CTNNA3: variants seen among roughly 807,000 people sequenced by gnomAD.
CTNNA3 encodes catenin alpha-3.
Under a neutral mutation model 95.7 loss-of-function variants are expected in CTNNA3, and 76 were observed. That is an observed-to-expected ratio of 0.79 (90% confidence interval 0.66 to 0.96). CTNNA3 has a LOEUF of 0.96. CTNNA3 is among the 40% of genes least tolerant of loss of function. The pLI, the probability that CTNNA3 is intolerant of heterozygous loss-of-function variation, is 0.00. For synonymous variants in CTNNA3, 431 were observed against 374.4 expected, an observed-to-expected ratio of 1.15 and a Z score of -1.74; for missense variants, 1,191 against 1,089.8, an observed-to-expected ratio of 1.09 and a Z score of -1.31.
At chr10:67,182,519 C>A (rs976315073) in intron 6 of CTNNA3, among the ~76,000 whole-genome samples, 4 of 151,940 alleles carry the variant, frequency 2.6e-5, no homozygotes, top group African/African-American at 9.7e-5. Flanking sequence ...CTTCCTTACA[C>A]CTTATACAAA....
intron 7 of CTNNA3, among the ~76,000 whole-genome samples, chr10:66,809,821 T>G (rs76185075): frequency 6.6e-6 from 1 of 151,772 alleles, no homozygotes; most frequent in African/African-American, 2.4e-5. Flanking sequence ...TTTTTTTTTT[T>G]GAGACAAAGT....
chr10:67,411,944 A>T (rs899578288), intron 5 of CTNNA3, among the ~76,000 whole-genome samples: 5 of 151,016 alleles, frequency 3.3e-5, no homozygotes, highest in East Asian at 1.9e-4. Context: ...CTTTGGTGAT[A>T]AAAAAAAATA....
At chr10:66,451,661 G>A (rs2093465713) in intron 11 of CTNNA3, among the ~76,000 whole-genome samples, 1 of 151,994 alleles carries the variant, frequency 6.6e-6, no homozygotes, top group African/African-American at 2.4e-5. Context: ...AGTATTTCAA[G>A]ACTTTAAGAC....
chr10:66,772,478 G>T (rs1840131761), intron 8 of CTNNA3, among the ~76,000 whole-genome samples: 1 of 151,782 alleles, frequency 6.6e-6, no homozygotes, highest in African/African-American at 2.4e-5. Context: ...TAATGTGTTG[G>T]TGTGATGAGG....
At chr10:67,374,129 A>C (rs1333024876) in intron 5 of CTNNA3, among the ~76,000 whole-genome samples, 2 of 152,080 alleles carry the variant, frequency 1.3e-5, no homozygotes, top group African/African-American at 4.8e-5. Context: ...GTTTCAGCAA[A>C]ATTTTTCTAT....
At chr10:66,708,881 T>G (rs777750738) in intron 9 of CTNNA3, among the ~76,000 whole-genome samples, 4 of 152,150 alleles carry the variant, frequency 2.6e-5, no homozygotes, top group Non-Finnish European at 5.9e-5. Flanking sequence ...AATCATTGTG[T>G]GGTGGGATAA....
intron 2 of CTNNA3, among the ~76,000 whole-genome samples, chr10:67,627,006 G>T (rs1256687451): frequency 2.6e-5 from 4 of 152,244 alleles, no homozygotes; most frequent in East Asian, 3.9e-4. Context: ...GGTCACACAG[G>T]TTTATGCTAC....
chr10:66,386,763 A>G (rs4559574), intron 11 of CTNNA3, among the ~76,000 whole-genome samples: 24,548 of 152,134 alleles, frequency 0.16, 2,713 homozygotes, highest in East Asian at 0.45. Flanking sequence ...AGACCAATGG[A>G]ACAGAACAGA....
At chr10:66,183,424 T>C (rs973936264) in intron 13 of CTNNA3, among the ~76,000 whole-genome samples, 13 of 152,238 alleles carry the variant, frequency 8.5e-5, no homozygotes, top group Admixed American at 7.2e-4. Flanking sequence ...AAATTGAATA[T>C]ATCATTTGGA....
At chr10:66,905,074 G>A (rs1007153291) in intron 7 of CTNNA3, among the ~76,000 whole-genome samples, 2 of 152,102 alleles carry the variant, frequency 1.3e-5, no homozygotes, top group African/African-American at 4.8e-5. Context: ...ATGCACACGT[G>A]TGTTTATTGT....
At chr10:66,917,393 A>G (rs892489461) in intron 7 of CTNNA3, among the ~76,000 whole-genome samples, 3 of 152,276 alleles carry the variant, frequency 2.0e-5, no homozygotes, top group East Asian at 3.9e-4. Flanking sequence ...TACTAACAGT[A>G]TAAGGAAGGA....
At chr10:66,689,108 CA>C (rs398114471) in intron 9 of CTNNA3, among the ~76,000 whole-genome samples, 4 of 330 alleles carry the variant, frequency 0.012, no homozygotes, top group Admixed American at 0.029. Flanking sequence ...ATCCATGAAT[CA>C]ATGAATCAAT....
chr10:66,395,712 T>A (rs1331535852), intron 11 of CTNNA3, among the ~76,000 whole-genome samples: 1 of 152,044 alleles, frequency 6.6e-6, no homozygotes, highest in African/African-American at 2.4e-5. Flanking sequence ...TTCTGTAACC[T>A]CTGAACAAGA....
chr10:66,496,874 C>T (rs1840116823), intron 11 of CTNNA3, among the ~76,000 whole-genome samples: 1 of 152,112 alleles, frequency 6.6e-6, no homozygotes, highest in South Asian at 2.1e-4. Context: ...CATTTTCTCA[C>T]ATTTCTGGAG....
At chr10:66,248,061 T>C (rs369252496) in intron 13 of CTNNA3, among the ~76,000 whole-genome samples, 1 of 152,090 alleles carries the variant, frequency 6.6e-6, no homozygotes, top group Non-Finnish European at 1.5e-5. Flanking sequence ...TTTCAAGACA[T>C]AGTACAAGAA....
chr10:67,430,008 G>A (rs1357081699), intron 5 of CTNNA3, among the ~76,000 whole-genome samples: 1 of 152,004 alleles, frequency 6.6e-6, no homozygotes. Context: ...GACTTCCATT[G>A]ATAGTTCTCC....
intron 10 of CTNNA3, among the ~76,000 whole-genome samples, chr10:66,571,085 T>A (rs966423887): frequency 1.3e-5 from 2 of 152,214 alleles, no homozygotes; most frequent in Non-Finnish European, 2.9e-5. Context: ...CTAACAATTT[T>A]AAAAATTACT....
chr10:66,001,547 C>T (rs2078769603), intron 15 of CTNNA3, among the ~76,000 whole-genome samples: 1 of 152,104 alleles, frequency 6.6e-6, no homozygotes, highest in African/African-American at 2.4e-5. Flanking sequence ...CACTAGTTGA[C>T]TTTGCTGATC....
At chr10:66,016,424 A>C (rs2079097691) in intron 15 of CTNNA3, among the ~76,000 whole-genome samples, 1 of 152,216 alleles carries the variant, frequency 6.6e-6, no homozygotes, top group Admixed American at 6.5e-5. Context: ...TCATTTAGTG[A>C]AAGAAGCAGT....
Sources: allele counts gnomAD v4.1 joint callset (sites outside exome capture counted in the v4.1 genomes callset), GRCh38; gene constraint gnomAD v4.1.1; transcripts MANE v1.5; gene names NCBI Gene and HGNC (gene_info 2026-07-23, HGNC 2026-07-21).